Variants in LRMDA observed in about 807,000 individuals in gnomAD.
The protein encoded by LRMDA is leucine rich melanocyte differentiation associated.
LRMDA carries 18 observed loss-of-function variants against 29.8 expected under a neutral mutation model. The ratio of observed to expected loss-of-function variants is 0.60; its 90% CI spans 0.42 to 0.90. The LOEUF is 0.90. Ranked by LOEUF, LRMDA falls within the 40% of genes least tolerant of loss-of-function variation. LRMDA has a pLI of 0.00. For synonymous variants in LRMDA, 125 were observed against 109.4 expected (o/e 1.14, Z -0.89); for missense variants, 273 against 273.9 (o/e 1.00, Z 0.02).
At chr10:76,429,227 G>T (rs773566294) in intron 6 of LRMDA, among the ~76,000 whole-genome samples, 3 of 151,912 alleles carry the variant, frequency 2.0e-5, no homozygotes, top group Non-Finnish European at 1.5e-5. Flanking sequence ...AACTCATGAT[G>T]TCATGGACTT....
intron 2 of LRMDA, among the ~76,000 whole-genome samples, chr10:75,720,102 C>G (rs554062108): frequency 5.1e-4 from 77 of 152,298 alleles, no homozygotes; most frequent in African/African-American, 1.6e-3. Flanking sequence ...ACATCATACT[C>G]TAAGATTGTT....
chr10:75,795,490 A>G (rs922111986), intron 2 of LRMDA, among the ~76,000 whole-genome samples: 4 of 152,172 alleles, frequency 2.6e-5, no homozygotes, highest in Non-Finnish European at 5.9e-5. Flanking sequence ...ATTATTTTCA[A>G]CTACACTCCC....
chr10:75,717,698 C>T (rs936541848), intron 2 of LRMDA, among the ~76,000 whole-genome samples: 1 of 152,178 alleles, frequency 6.6e-6, no homozygotes, highest in African/African-American at 2.4e-5. Flanking sequence ...CAGTTGCTGC[C>T]TTCCTCCCCT....
chr10:75,902,880 GC>G (rs1324912993), intron 2 of LRMDA, among the ~76,000 whole-genome samples: 1 of 152,118 alleles, frequency 6.6e-6, no homozygotes, highest in African/African-American at 2.4e-5. Context: ...CTCCTTTAGG[GC>G]TCCCCAGGGG....
At chr10:76,271,871 T>C (rs1302425894) in intron 5 of LRMDA, among the ~76,000 whole-genome samples, 4 of 152,180 alleles carry the variant, frequency 2.6e-5, no homozygotes, top group African/African-American at 9.7e-5. Flanking sequence ...CTTGTGACCA[T>C]GGGAGAGAAG....
At chr10:75,457,003 T>C (rs2132035532) in intron 2 of LRMDA, among the ~76,000 whole-genome samples, 1 of 152,356 alleles carries the variant, frequency 6.6e-6, no homozygotes, top group Admixed American at 6.5e-5. Flanking sequence ...AAAAACATGG[T>C]AATTGCTTAT....
At position 75,919,145 on chromosome 10, in the gene LRMDA, A is replaced by G. The variant is rs146918596; in HGVS notation, c.132-116863A>G. 3.4e-3 allele frequency among the ~76,000 whole-genome samples: 525 copies of G among 152,328 alleles called. 3 individuals carry two copies. The highest frequency in any genetic ancestry group is 8.6e-3 in the Admixed American group (132 of 15,308). ...GAGGCTTAGTGAATTGACTGAAGTC[A>G]TAGAACTGACCGGGGACAAAGCCGG... On this transcript the variant is annotated intron_variant, in intron 2 of 6. Coordinates refer to ENST00000611255, the MANE Select transcript of LRMDA (RefSeq NM_001305581.2).
chr10:76,218,787 A>G (rs1851774818), intron 5 of LRMDA, among the ~76,000 whole-genome samples: 1 of 151,684 alleles, frequency 6.6e-6, no homozygotes, highest in African/African-American at 2.4e-5. Context: ...GTCTCACTGC[A>G]AAAAACAGCA....
intron 5 of LRMDA, among the ~76,000 whole-genome samples, chr10:76,107,601 C>G (rs1478816458): frequency 1.3e-5 from 2 of 152,212 alleles, no homozygotes; most frequent in Non-Finnish European, 2.9e-5. Context: ...CCTTCTTCCT[C>G]CATGGCTCTG....
chr10:75,730,106 C>T (rs1384503548), intron 2 of LRMDA, among the ~76,000 whole-genome samples: 1 of 152,170 alleles, frequency 6.6e-6, no homozygotes, highest in African/African-American at 2.4e-5. Flanking sequence ...TGAACCACCA[C>T]ACCTGGCCTC....
At chr10:76,545,446 G>T (rs564781506) in intron 6 of LRMDA, among the ~76,000 whole-genome samples, 1 of 151,434 alleles carries the variant, frequency 6.6e-6, no homozygotes, top group Admixed American at 6.6e-5. Context: ...GTCAGTTTTG[G>T]GGAAGTCCAA....
At chr10:75,629,605 A>G (rs925688843) in intron 2 of LRMDA, among the ~76,000 whole-genome samples, 8 of 100,906 alleles carry the variant, frequency 7.9e-5, no homozygotes, top group African/African-American at 2.5e-4. Context: ...TTAAATGAGC[A>G]TTAAGTCCTC....
rs1243081969 is a variant in LRMDA at position 76,213,620 on chromosome 10, C to T, written c.517-110781C>T. ...AAAGATAATGTCCCTTCAAAGGACT[C>T]CTCTAACAGTGAATAATTATTCTTT... On this transcript the variant is annotated intron_variant, in intron 5 of 6. Coordinates refer to ENST00000611255, the MANE Select transcript of LRMDA (RefSeq NM_001305581.2). 5.3e-5 allele frequency among the ~76,000 whole-genome samples: 8 copies of T among 152,250 alleles called. No homozygotes were observed. The East Asian group carries it at 1.2e-3, about 22-fold the overall frequency.
intron 5 of LRMDA, among the ~76,000 whole-genome samples, chr10:76,191,523 A>G (rs1414045233): frequency 6.6e-6 from 1 of 152,188 alleles, no homozygotes; most frequent in Non-Finnish European, 1.5e-5. Context: ...AACTGAATTG[A>G]GAGTCTGTGT....
intron 2 of LRMDA, among the ~76,000 whole-genome samples, chr10:75,736,032 T>C (rs142668712): frequency 1.3e-5 from 2 of 152,228 alleles, no homozygotes; most frequent in Non-Finnish European, 2.9e-5. Flanking sequence ...TTCTAAAGGA[T>C]AGGATACATC....
chr10:75,508,266 T>G (rs75628636), intron 2 of LRMDA, among the ~76,000 whole-genome samples: 4 of 134,176 alleles, frequency 3.0e-5, no homozygotes, highest in African/African-American at 1.0e-4. Flanking sequence ...GGTGTTTTTT[T>G]CCCCCCCTCT....
chr10:76,235,318 C>T (rs1388535987), intron 5 of LRMDA, among the ~76,000 whole-genome samples: 1 of 152,076 alleles, frequency 6.6e-6, no homozygotes, highest in East Asian at 1.9e-4. Flanking sequence ...TCAAAGATCA[C>T]TGATCACAGA....
At chr10:75,602,628 A>G (rs572621863) in intron 2 of LRMDA, among the ~76,000 whole-genome samples, 3 of 152,278 alleles carry the variant, frequency 2.0e-5, no homozygotes, top group South Asian at 2.1e-4. Context: ...CCAGCTTCCA[A>G]GCATAACTCC....
chr10:75,499,102 A>C (rs886306639), intron 2 of LRMDA, among the ~76,000 whole-genome samples: 1 of 152,082 alleles, frequency 6.6e-6, no homozygotes, highest in Non-Finnish European at 1.5e-5. Flanking sequence ...GGAGCCTGGA[A>C]TCTAGACACC....
Sources: allele counts gnomAD v4.1 joint callset (sites outside exome capture counted in the v4.1 genomes callset), GRCh38; gene constraint gnomAD v4.1.1; transcripts MANE v1.5; gene names NCBI Gene and HGNC (gene_info 2026-07-23, HGNC 2026-07-21).